Variants in EXOC6B observed in about 807,000 individuals in gnomAD.
EXOC6B encodes the protein exocyst complex component 6B, also known as SEC15 homolog B.
In EXOC6B, 54 loss-of-function variants were observed where a neutral mutation model predicts 113.5. The ratio of observed to expected loss-of-function variants is 0.48; its 90% CI spans 0.38 to 0.60. EXOC6B has a LOEUF of 0.60. Ranked by LOEUF, EXOC6B falls within the 20% of genes least tolerant of loss-of-function variation. The pLI, the probability that EXOC6B is intolerant of heterozygous loss-of-function variation, is 0.00. For synonymous variants in EXOC6B, 357 were observed against 339.0 expected (o/e 1.05, Z -0.58); for missense variants, 797 against 977.5 (o/e 0.82, Z 2.46).
At chr2:72,423,218 T>C (rs1296549313) in intron 18 of EXOC6B, among the ~76,000 whole-genome samples, 1 of 151,552 alleles carries the variant, frequency 6.6e-6, no homozygotes, top group Non-Finnish European at 1.5e-5. Context: ...GCAGCTTCAC[T>C]CCTGAGCCAG....
At chr2:72,305,347 T>C (rs1686777972) in intron 20 of EXOC6B, among the ~76,000 whole-genome samples, 1 of 151,358 alleles carries the variant, frequency 6.6e-6, no homozygotes, top group South Asian at 2.1e-4. Context: ...TATATGTATA[T>C]GTATATGTAT....
chr2:72,615,440 TCGGCCTA>T (rs1414295892), intron 6 of EXOC6B, among the ~76,000 whole-genome samples: 47 of 152,144 alleles, frequency 3.1e-4, no homozygotes, highest in African/African-American at 9.9e-4. Flanking sequence ...AATTGCATTA[TCGGCCTA>T]ACCCCCAAAC....
At chr2:72,661,091 T>C (rs529080771) in intron 6 of EXOC6B, among the ~76,000 whole-genome samples, 12 of 152,062 alleles carry the variant, frequency 7.9e-5, no homozygotes, top group African/African-American at 2.9e-4. Flanking sequence ...AAAACCTTTC[T>C]CCCCACTCTG....
chr2:72,809,068 C>G (rs1287914756), intron 1 of EXOC6B, among the ~76,000 whole-genome samples: 1 of 151,594 alleles, frequency 6.6e-6, no homozygotes, highest in African/African-American at 2.4e-5. Context: ...TCTGTCTCAA[C>G]AACAACAACA....
At chr2:72,811,631 A>G (rs1452211466) in intron 1 of EXOC6B, among the ~76,000 whole-genome samples, 1 of 152,170 alleles carries the variant, frequency 6.6e-6, no homozygotes, top group Non-Finnish European at 1.5e-5. Context: ...AAAATTATAG[A>G]CCAATATCTC....
chr2:72,198,170 T>G (rs1260305769), intron 20 of EXOC6B, among the ~76,000 whole-genome samples: 2 of 152,128 alleles, frequency 1.3e-5, no homozygotes, highest in African/African-American at 4.8e-5. Context: ...GAAACATATT[T>G]CAGGTTCAAG....
At chr2:72,431,643 A>C (rs1333309314) in intron 18 of EXOC6B, among the ~76,000 whole-genome samples, 2 of 151,892 alleles carry the variant, frequency 1.3e-5, no homozygotes, top group African/African-American at 4.8e-5. Context: ...CATCCAACTA[A>C]ATTTTTTTAT....
At chr2:72,437,011 C>T (rs529864379) in intron 18 of EXOC6B, among the ~76,000 whole-genome samples, 3 of 152,250 alleles carry the variant, frequency 2.0e-5, no homozygotes, top group Admixed American at 6.5e-5. Context: ...AGCATTTTTG[C>T]GTTAGTTTTT....
intron 6 of EXOC6B, among the ~76,000 whole-genome samples, chr2:72,609,370 T>C (rs1438450916): frequency 6.6e-6 from 1 of 152,038 alleles, no homozygotes; most frequent in Non-Finnish European, 1.5e-5. Flanking sequence ...AGGTAGACCA[T>C]TTCAGCAGAG....
In EXOC6B at chr2:72,216,673, T is replaced by C. The variant is rs143688588; in HGVS notation, c.2197-32486A>G. Among the ~76,000 whole-genome samples the C allele has an allele frequency of 1.3e-3, 195 of 152,258 alleles. 4 individuals are homozygous for C. In the East Asian group the frequency reaches 0.025, roughly 19 times the overall value. ...ACCCAAATGCCCATCAGTGATAGAC[T>C]GGATAAAGAAAATGTGGTACATATA... On this transcript the variant is annotated intron_variant, in intron 20 of 21. Coordinates refer to ENST00000272427, the MANE Select transcript of EXOC6B (RefSeq NM_015189.3).
intron 6 of EXOC6B, among the ~76,000 whole-genome samples, chr2:72,641,419 C>G (rs983794167): frequency 1.3e-5 from 2 of 152,264 alleles, no homozygotes; most frequent in East Asian, 1.9e-4. Context: ...TATCCCACGC[C>G]TGGATTGGTG....
At chr2:72,820,249 T>TA (rs1686505395) in intron 1 of EXOC6B, among the ~76,000 whole-genome samples, 1 of 152,126 alleles carries the variant, frequency 6.6e-6, no homozygotes, top group Non-Finnish European at 1.5e-5. Context: ...AAGTAAAGCT[T>TA]TGTAATAATA....
At chr2:72,318,991 T>TATTCATTAA (rs1287883034) in intron 20 of EXOC6B, among the ~76,000 whole-genome samples, 2 of 151,840 alleles carry the variant, frequency 1.3e-5, no homozygotes, top group African/African-American at 4.8e-5. Flanking sequence ...TAATTTAAAT[T>TATTCATTAA]GGTATAACCC....
chr2:72,694,598 T>C (rs932413577), intron 6 of EXOC6B, among the ~76,000 whole-genome samples: 3 of 152,206 alleles, frequency 2.0e-5, no homozygotes, highest in Non-Finnish European at 4.4e-5. Flanking sequence ...AGCACTGACA[T>C]GTAATACTAT....
chr2:72,413,233 T>C (rs559812151), intron 18 of EXOC6B, among the ~76,000 whole-genome samples: 1 of 150,984 alleles, frequency 6.6e-6, no homozygotes, highest in East Asian at 2.0e-4. Flanking sequence ...AGTGCTGGGA[T>C]TACAGGCGTG....
rs539405917 is a variant in EXOC6B at position 72,732,334 on chromosome 2, G to T, written c.327+737C>A. ...TGGTTATGGTTGTTTTTTTTGTTTT[G>T]GGGGGCAGGTAGAGATGGGGTCTCA... On this transcript the variant is annotated intron_variant, in intron 3 of 21. Transcript: ENST00000272427. Among the ~76,000 whole-genome samples the T allele has an allele frequency of 3.3e-4, 50 of 151,550 alleles. No individual in the cohort carries two copies. In the East Asian group the frequency reaches 9.1e-3, roughly 28 times the overall value.
At position 72,695,537 on chromosome 2, in the gene EXOC6B, GAAAAATTATT is replaced by G. The variant is rs575463094; in HGVS notation, c.669+22556_669+22565del. 2.1e-3 allele frequency among the ~76,000 whole-genome samples: 320 copies of G among 151,798 alleles called. 1 individual carries two copies. Among genetic ancestry groups the G allele is most frequent in the Non-Finnish European group, 3.8e-3 (257 of 67,906 alleles). On this transcript the variant is annotated intron_variant, in intron 6 of 21. Transcript: ENST00000272427. ...GTCATTGATACTTTTTTCAAAAAAAGAAAAATTATTAAAGCATAGATGAAGTGTCTCCATA... is the reference window on the plus strand; with the variant it reads ...GTCATTGATACTTTTTTCAAAAAAAGAAAGCATAGATGAAGTGTCTCCATA...
chr2:72,517,153 A>G (rs182921955), intron 8 of EXOC6B, among the ~76,000 whole-genome samples: 118 of 152,334 alleles, frequency 7.7e-4, no homozygotes, highest in Middle Eastern at 3.4e-3. Context: ...CAGCTACTCA[A>G]TTCTGCTGGT....
At chr2:72,379,945 A>C in intron 18 of EXOC6B, 75 bp from the exon 19 acceptor site, 1 of 1,383,944 alleles carries the variant, frequency 7.2e-7, no homozygotes, top group Non-Finnish European at 9.7e-7. Flanking sequence ...CAAAACTTAA[A>C]ATTACTTCTT....
Sources: allele counts gnomAD v4.1 joint callset (sites outside exome capture counted in the v4.1 genomes callset), GRCh38; gene constraint gnomAD v4.1.1; transcripts MANE v1.5; gene names NCBI Gene and HGNC (gene_info 2026-07-23, HGNC 2026-07-21).